The following PTPRJ variants were observed in gnomAD, a reference collection of about 807,000 sequenced individuals.
The protein encoded by PTPRJ is protein tyrosine phosphatase receptor type J.
Under a neutral mutation model 141.3 loss-of-function variants are expected in PTPRJ, and 129 were observed. The observed-to-expected ratio is 0.91, with a 90% CI of 0.79 to 1.06. The LOEUF is 1.06. PTPRJ is among the 50% of genes least tolerant of loss of function. The pLI is 0.00. For synonymous variants in PTPRJ, 610 were observed against 640.5 expected (o/e 0.95, Z 0.72); for missense variants, 1,601 against 1,679.7 (o/e 0.95, Z 0.82).
At position 48,096,516 on chromosome 11, in the gene PTPRJ, A is replaced by G. The variant is rs1483060019; in HGVS notation, c.97-13542A>G. 2.6e-5 allele frequency among the ~76,000 whole-genome samples: 4 copies of G among 152,246 alleles called. No homozygotes were observed. The East Asian group carries it at 7.7e-4, about 29-fold the overall frequency. On this transcript the variant is annotated intron_variant, in intron 1 of 24. Transcript: ENST00000418331. ...CCAAAACTATCCTGGTTTTAGCCCA[A>G]CAGTTTCCCACGCCCGCCCCCACCC...
intron 1 of PTPRJ, among the ~76,000 whole-genome samples, chr11:48,085,326 A>G (rs1353107867): frequency 6.6e-6 from 1 of 150,760 alleles, no homozygotes; most frequent in Non-Finnish European, 1.5e-5. Flanking sequence ...CAGGTGACAG[A>G]TTTATTTATT....
chr11:48,053,414 A>T, intron 1 of PTPRJ, among the ~76,000 whole-genome samples: 1 of 101,938 alleles, frequency 9.8e-6, no homozygotes, highest in East Asian at 2.2e-4. Flanking sequence ...TAATATATAT[A>T]AATATATATG....
intron 1 of PTPRJ, among the ~76,000 whole-genome samples, chr11:48,033,170 C>T (rs151166934): frequency 6.6e-6 from 1 of 152,228 alleles, no homozygotes; most frequent in East Asian, 1.9e-4. Context: ...AAGGAAAGCC[C>T]CTCCTGGTGG....
At chr11:48,075,374 C>G (rs974950249) in intron 1 of PTPRJ, among the ~76,000 whole-genome samples, 1 of 151,874 alleles carries the variant, frequency 6.6e-6, no homozygotes, top group Admixed American at 6.6e-5. Flanking sequence ...ATCCCCCTGC[C>G]TCGGCCTCCC....
chr11:48,035,546 T>A (rs1854102461), intron 1 of PTPRJ, among the ~76,000 whole-genome samples: 1 of 140,202 alleles, frequency 7.1e-6, no homozygotes, highest in African/African-American at 2.6e-5. Flanking sequence ...TTCTTTTTTT[T>A]TTTTTTTTTT....
chr11:48,160,232 C>G (rs1418309357), intron 22 of PTPRJ, among the ~76,000 whole-genome samples, 183 bp downstream of exon 22: 25 of 152,208 alleles, frequency 1.6e-4, no homozygotes, highest in Admixed American at 1.6e-3. Context: ...CTTGACTTTT[C>G]TGGGAAATTT....
At chr11:48,145,542 GTTTAT>G (rs1331455294) in intron 14 of PTPRJ, among the ~76,000 whole-genome samples, 3 of 132,156 alleles carry the variant, frequency 2.3e-5, no homozygotes, top group African/African-American at 2.7e-5. Flanking sequence ...TTATTGATTT[GTTTAT>G]TTTATTTTAT....
At chr11:48,154,446 C>T (rs578027841) in intron 19 of PTPRJ, among the ~76,000 whole-genome samples, 2 of 152,290 alleles carry the variant, frequency 1.3e-5, no homozygotes, top group Admixed American at 1.3e-4. Context: ...AGGATTACAG[C>T]AAATTGAGTT....
intron 1 of PTPRJ, among the ~76,000 whole-genome samples, chr11:48,086,186 T>A (rs997716339): frequency 7.9e-5 from 12 of 151,354 alleles, no homozygotes; most frequent in African/African-American, 2.2e-4. Context: ...TTAAAAAAAA[T>A]TTTTTTTTTG....
rs978625952 is a variant in PTPRJ, at chr11:48,132,253, T to C, written c.1615+1537T>C. The stretch of plus-strand genomic sequence containing the variant: ...AATTGAAATTGATAAAATCATTTTA[T>C]AGTCAGCTACGGTGGCCTGCACCCA... On this transcript the variant is annotated intron_variant, in intron 8 of 24. Coordinates refer to ENST00000418331, the MANE Select transcript of PTPRJ (RefSeq NM_002843.4). The C allele has an allele frequency of 7.1e-6, 7 of 985,240 alleles. No individual in the cohort carries two copies. The African/African-American group carries it at 1.2e-4, about 17-fold the overall frequency. 61.0% of individuals were successfully genotyped at this position (985,240 alleles called of 1,614,324 possible).
intron 1 of PTPRJ, among the ~76,000 whole-genome samples, chr11:48,027,068 G>T (rs758272174): frequency 3.5e-5 from 5 of 142,054 alleles, no homozygotes; most frequent in Non-Finnish European, 3.0e-5. Context: ...GCAGTGGCGC[G>T]ATCTCAGCTC....
intron 1 of PTPRJ, among the ~76,000 whole-genome samples, chr11:48,070,137 T>C (rs7395231): frequency 0.57 from 86,716 of 152,054 alleles, 28,498 homozygotes; most frequent in East Asian, 0.8. Context: ...CAATAAAATA[T>C]GGTATTTAGG....
chr11:48,097,319 A>G (rs750251077), intron 1 of PTPRJ, among the ~76,000 whole-genome samples: 3 of 152,196 alleles, frequency 2.0e-5, no homozygotes, highest in Non-Finnish European at 4.4e-5. Context: ...AACATGGCTC[A>G]TTCAGGGAAT....
chr11:48,159,101 T>TGTGG (rs1857688922), intron 21 of PTPRJ, among the ~76,000 whole-genome samples: 1 of 136,626 alleles, frequency 7.3e-6, no homozygotes, highest in African/African-American at 2.8e-5. Flanking sequence ...ATGTGGGGTG[T>TGTGG]GTGTGTGTGT....
At chr11:48,143,661 T>C (rs1419547184) in intron 12 of PTPRJ, among the ~76,000 whole-genome samples, 2 of 152,218 alleles carry the variant, frequency 1.3e-5, no homozygotes, top group Non-Finnish European at 2.9e-5. Context: ...AGGGCTCTGT[T>C]ACATTCTTTT....
intron 3 of PTPRJ, among the ~76,000 whole-genome samples, chr11:48,113,224 A>T (rs1856483424): frequency 6.6e-6 from 1 of 152,236 alleles, no homozygotes; most frequent in Non-Finnish European, 1.5e-5. Flanking sequence ...ATTTTAAGAT[A>T]TATGCATGCC....
At chr11:48,152,275 C>T (rs547793758) in intron 18 of PTPRJ, among the ~76,000 whole-genome samples, 3 of 152,222 alleles carry the variant, frequency 2.0e-5, no homozygotes, top group South Asian at 4.1e-4. Context: ...ATATCCTTCG[C>T]CCACTTTTTG....
At chr11:48,038,546 C>G (rs1299854242) in intron 1 of PTPRJ, among the ~76,000 whole-genome samples, 1 of 151,724 alleles carries the variant, frequency 6.6e-6, no homozygotes, top group Admixed American at 6.6e-5. Flanking sequence ...GGCTGGAGTG[C>G]AGTGGCATGA....
chr11:48,145,194 C>T, intron 14 of PTPRJ, 70 bp downstream of exon 14: 4 of 1,597,804 alleles, frequency 2.5e-6, no homozygotes, highest in Non-Finnish European at 3.4e-6. Context: ...AGAAGGCCAG[C>T]TGTGTACATG....
Sources: gnomAD v4.1 joint callset for allele counts (sites outside exome capture counted in the v4.1 genomes callset) on GRCh38, gnomAD v4.1.1 for gene constraint, MANE v1.5 for transcripts, NCBI Gene and HGNC (gene_info 2026-07-23, HGNC 2026-07-21) for gene names.